ZBTB20: variants seen among roughly 807,000 people sequenced by gnomAD.
ZBTB20 encodes the protein zinc finger and BTB domain-containing protein 20.
In ZBTB20, 9 loss-of-function variants were observed where a neutral mutation model predicts 56.9. The observed-to-expected ratio is 0.16, with a 90% CI of 0.10 to 0.28. The LOEUF (loss-of-function observed/expected upper bound fraction) is 0.28. Ranked by LOEUF, ZBTB20 falls within the 10% of genes least tolerant of loss-of-function variation. The probability of loss-of-function intolerance (pLI) is 1.00; values close to 1 mark genes in which losing one functional copy is unlikely to be tolerated. For missense variants in ZBTB20, 655 were observed against 1,003.0 expected (o/e 0.65, Z 4.69); for synonymous variants, 417 against 420.7 (o/e 0.99, Z 0.11).
intron 6 of ZBTB20, among the ~76,000 whole-genome samples, chr3:114,630,330 C>G (rs1433566160): frequency 6.6e-6 from 1 of 152,156 alleles, no homozygotes; most frequent in Admixed American, 6.5e-5. Context: ...ACAGCCATAA[C>G]TCATTGGATG....
At chr3:114,616,799 T>C (rs960988310) in intron 6 of ZBTB20, among the ~76,000 whole-genome samples, 8 of 152,202 alleles carry the variant, frequency 5.3e-5, no homozygotes, top group Admixed American at 5.2e-4. Context: ...AGTAAATTTG[T>C]AATCTTCCCC....
At chr3:114,402,185 C>T (rs2086883056) in intron 7 of ZBTB20, among the ~76,000 whole-genome samples, 1 of 152,244 alleles carries the variant, frequency 6.6e-6, no homozygotes, top group Non-Finnish European at 1.5e-5. Context: ...AGGGCACACC[C>T]ACTTTGAGGA....
At chr3:114,897,859 C>T (rs1463954159) in intron 4 of ZBTB20, among the ~76,000 whole-genome samples, 1 of 152,016 alleles carries the variant, frequency 6.6e-6, no homozygotes, top group East Asian at 1.9e-4. Context: ...GGTTTTAATG[C>T]AATAGATAAC....
At position 114,542,869 on chromosome 3, in the gene ZBTB20, C is replaced by A. The variant is rs150819747; in HGVS notation, c.-294-42478G>T. ...TGGTAACTTACTGCACTGTTCCTGGCACATTCACAACCAAAATTTGTTCCT... is the reference window on the plus strand; with the variant it reads ...TGGTAACTTACTGCACTGTTCCTGGAACATTCACAACCAAAATTTGTTCCT... On this transcript the variant is annotated intron_variant, in intron 6 of 11. Transcript: ENST00000675478. Among the ~76,000 whole-genome samples, 51 of 152,262 alleles carry A rather than the reference C, an allele frequency of 3.3e-4. 1 individual carries two copies. In the East Asian group the frequency reaches 9.0e-3, roughly 27 times the overall value.
intron 4 of ZBTB20, among the ~76,000 whole-genome samples, chr3:114,899,337 G>A (rs1290608059): frequency 6.6e-6 from 1 of 151,996 alleles, no homozygotes; most frequent in Admixed American, 6.6e-5. Context: ...AATCTGTTCA[G>A]CTAAATGGAT....
chr3:114,876,035 A>G (rs7644997), intron 4 of ZBTB20, among the ~76,000 whole-genome samples: 114,361 of 151,918 alleles, frequency 0.75, 47,370 homozygotes, highest in East Asian at 0.99. Flanking sequence ...GGAGTTCAAG[A>G]CCAGCCTGGG....
intron 6 of ZBTB20, among the ~76,000 whole-genome samples, chr3:114,678,382 G>A (rs996635368): frequency 2.0e-5 from 3 of 152,104 alleles, no homozygotes; most frequent in African/African-American, 7.2e-5. Context: ...CTGTATTAAG[G>A]AGAGAGAAAA....
At chr3:114,811,786 A>G (rs1419442269) in intron 4 of ZBTB20, among the ~76,000 whole-genome samples, 1 of 152,342 alleles carries the variant, frequency 6.6e-6, no homozygotes, top group East Asian at 1.9e-4. Context: ...CTGAAACATC[A>G]CATACATTGC....
At chr3:114,837,307 T>C (rs1296778604) in intron 4 of ZBTB20, among the ~76,000 whole-genome samples, 1 of 152,188 alleles carries the variant, frequency 6.6e-6, no homozygotes, top group African/African-American at 2.4e-5. Context: ...TCTATTACAG[T>C]ATAAATTCCA....
In ZBTB20 at chr3:114,326,749, T is replaced by G. The variant is rs2079077726; in HGVS notation, c.*12256A>C. 1 of 152,208 alleles carries G rather than the reference T, an allele frequency of 6.6e-6. No homozygotes were observed. Among genetic ancestry groups the G allele is most frequent in the Non-Finnish European group, 1.5e-5 (1 of 68,030 alleles). 9.4% of individuals were successfully genotyped at this position (152,208 alleles called of 1,614,324 possible). On this transcript the variant is annotated 3_prime_UTR_variant, in exon 12 of 12. Coordinates refer to ENST00000675478, the MANE Select transcript of ZBTB20 (RefSeq NM_001348800.3). ...GATAGCAAACAACTGTTTGAATGTG[T>G]GAAAGTATTATCCCTTTGCTCTACC... is the stretch of plus-strand genomic sequence containing the variant.
chr3:114,341,851 C>G (rs1458370962), intron 11 of ZBTB20, among the ~76,000 whole-genome samples: 3 of 152,184 alleles, frequency 2.0e-5, no homozygotes, highest in Non-Finnish European at 2.9e-5. Flanking sequence ...GGACTGCAAC[C>G]CCTGAGGACT....
intron 4 of ZBTB20, among the ~76,000 whole-genome samples, chr3:114,819,214 T>C (rs1180079117): frequency 2.6e-5 from 4 of 151,950 alleles, no homozygotes; most frequent in African/African-American, 9.7e-5. Context: ...AAAGATACAA[T>C]CTATTTATGT....
chr3:114,766,960 T>C (rs1357579701), intron 5 of ZBTB20, among the ~76,000 whole-genome samples: 1 of 152,080 alleles, frequency 6.6e-6, no homozygotes, highest in Non-Finnish European at 1.5e-5. Context: ...AGAGAGCTAT[T>C]CCCTCTTTAT....
chr3:115,124,419 A>G (rs2084267730), intron 1 of ZBTB20, among the ~76,000 whole-genome samples: 6 of 152,226 alleles, frequency 3.9e-5, no homozygotes, highest in Admixed American at 3.3e-4. Flanking sequence ...AAATAAACCT[A>G]AAGACATTTT....
intron 6 of ZBTB20, among the ~76,000 whole-genome samples, chr3:114,520,688 C>T (rs2046541662): frequency 6.6e-6 from 1 of 152,038 alleles, no homozygotes; most frequent in South Asian, 2.1e-4. Context: ...TTTTAAATAC[C>T]TTTCAAATCT....
At chr3:114,655,655 C>CT (rs571221373) in intron 6 of ZBTB20, among the ~76,000 whole-genome samples, 1 of 152,088 alleles carries the variant, frequency 6.6e-6, no homozygotes, top group Non-Finnish European at 1.5e-5. Context: ...AGCAGTTGTT[C>CT]TAAGGATTAC....
intron 5 of ZBTB20, among the ~76,000 whole-genome samples, chr3:114,711,260 CTTTG>C (rs1248890430): frequency 2.0e-5 from 3 of 152,002 alleles, no homozygotes; most frequent in South Asian, 2.1e-4. Flanking sequence ...TCATAGGAAA[CTTTG>C]TTTAATTTCT....
In ZBTB20 at chr3:114,323,000, G is replaced by A. The variant is rs2078948425; in HGVS notation, c.*16005C>T. On this transcript the variant is annotated 3_prime_UTR_variant, in exon 12 of 12. Transcript: ENST00000675478. Reference sequence around the variant, plus strand: ...ATGGGTTGTGATCCTTTCCTACTGTGCCAGAACCTTCAAAACTGTCACTTT... The same window carrying A: ...ATGGGTTGTGATCCTTTCCTACTGTACCAGAACCTTCAAAACTGTCACTTT... The A allele has an allele frequency of 1.3e-5, 2 of 152,130 alleles. No homozygotes were observed. The highest frequency in any genetic ancestry group is 1.3e-4 in the Admixed American group (2 of 15,274). The allele number at this position is 152,130 out of a possible 1,614,324, so 9.4% of individuals were successfully genotyped here. A position where few individuals can be genotyped will look rare whatever the true frequency, so the allele number is the denominator to read the frequency against.
rs1235591420 is a variant in ZBTB20, at chr3:114,623,866, T to A, written c.-295+69662A>T. On this transcript the variant is annotated intron_variant, in intron 6 of 11. Coordinates refer to ENST00000675478, the MANE Select transcript of ZBTB20 (RefSeq NM_001348800.3). Reference sequence around the variant, plus strand: ...CTAGGCATGTCAAGGCTGACATCCATCGGTGGCAGTATGAAACCTATGCCT... The same window carrying A: ...CTAGGCATGTCAAGGCTGACATCCAACGGTGGCAGTATGAAACCTATGCCT... Among the ~76,000 whole-genome samples the A allele has an allele frequency of 1.3e-5, 2 of 151,658 alleles. 1 individual carries two copies. Among genetic ancestry groups the A allele is most frequent in the African/African-American group, 4.8e-5 (2 of 41,308 alleles).
Sources: allele counts gnomAD v4.1 joint callset (sites outside exome capture counted in the v4.1 genomes callset), GRCh38; gene constraint gnomAD v4.1.1; transcripts MANE v1.5; gene names NCBI Gene and HGNC (gene_info 2026-07-23, HGNC 2026-07-21).